GPHN: variants seen among roughly 807,000 people sequenced by gnomAD.
GPHN encodes gephyrin.
In GPHN, 17 loss-of-function variants were observed where a neutral mutation model predicts 95.5. The ratio of observed to expected loss-of-function variants is 0.18; its 90% CI spans 0.12 to 0.27. The LOEUF is 0.27. Among genes scored for constraint, GPHN ranks in the 10% least tolerant of loss-of-function variants. The probability of loss-of-function intolerance (pLI) is 1.00; values close to 1 mark genes in which losing one functional copy is unlikely to be tolerated. For synonymous variants in GPHN, 320 were observed against 322.5 expected, an observed-to-expected ratio of 0.99 and a Z score of 0.08; for missense variants, 660 against 978.1, an observed-to-expected ratio of 0.67 and a Z score of 4.34.
At chr14:67,065,530 G>T (rs1464752676) in intron 11 of GPHN, among the ~76,000 whole-genome samples, 2 of 152,108 alleles carry the variant, frequency 1.3e-5, no homozygotes, top group Non-Finnish European at 2.9e-5. Flanking sequence ...ACAGTGGGGT[G>T]TTAAAGTCTC....
At chr14:67,068,140 A>G (rs955032784) in intron 11 of GPHN, among the ~76,000 whole-genome samples, 1 of 152,240 alleles carries the variant, frequency 6.6e-6, no homozygotes, top group South Asian at 2.1e-4. Flanking sequence ...GGTTACAACA[A>G]CTGGAACCCG....
the GPHN span, among the ~76,000 whole-genome samples, chr14:67,602,043 C>G: frequency 6.6e-6 from 1 of 152,056 alleles, no homozygotes; most frequent in Non-Finnish European, 1.5e-5. Context: ...TTCTGTGCCC[C>G]GAATCTGACA....
At chr14:66,793,083 CCGG>C (rs1316659572) in intron 3 of GPHN, among the ~76,000 whole-genome samples, 3 of 152,276 alleles carry the variant, frequency 2.0e-5, no homozygotes, top group African/African-American at 7.2e-5. Flanking sequence ...CCACAACCTT[CCGG>C]CGTGGGCCTT....
chr14:66,839,834 C>T (rs1460493044), intron 4 of GPHN, among the ~76,000 whole-genome samples: 2 of 152,128 alleles, frequency 1.3e-5, no homozygotes, highest in African/African-American at 2.4e-5. Flanking sequence ...TTTACTTCCT[C>T]TTTCATTCTC....
chr14:67,446,109 G>C, the GPHN span: 192 of 498,170 alleles, frequency 3.9e-4, no homozygotes, highest in African/African-American at 1.3e-3. Context: ...AGATCCTCTG[G>C]GAGGATGTGA....
intron 1 of GPHN, among the ~76,000 whole-genome samples, chr14:66,598,352 C>G (rs2062071334): frequency 6.6e-6 from 1 of 151,626 alleles, no homozygotes; most frequent in South Asian, 2.1e-4. Context: ...CTACAGGTAT[C>G]AAAGCATCAT....
At chr14:67,395,661 C>T in the GPHN span, 86 of 1,231,482 alleles carry the variant, frequency 7.0e-5, no homozygotes, top group African/African-American at 1.2e-4. Context: ...GACGGGGCCC[C>T]GGGAGAATCT....
At chr14:67,699,644 G>A in the GPHN span, among the ~76,000 whole-genome samples, 1 of 148,444 alleles carries the variant, frequency 6.7e-6, no homozygotes, top group Non-Finnish European at 1.5e-5. Flanking sequence ...AAAGTTATGT[G>A]GATGTAAAAA....
intron 2 of GPHN, among the ~76,000 whole-genome samples, chr14:66,689,549 G>GTAA (rs1466121332): frequency 6.6e-6 from 1 of 152,144 alleles, no homozygotes; most frequent in African/African-American, 2.4e-5. Flanking sequence ...TAGTATCAGG[G>GTAA]TAATGCTGGC....
the GPHN span, among the ~76,000 whole-genome samples, chr14:67,266,957 A>C: frequency 3.3e-5 from 5 of 151,792 alleles, no homozygotes; most frequent in Non-Finnish European, 7.4e-5. Flanking sequence ...TAAAAATACA[A>C]AATTAGCCAG....
chr14:67,668,773 T>A, the GPHN span, among the ~76,000 whole-genome samples: 1 of 152,212 alleles, frequency 6.6e-6, no homozygotes, highest in Non-Finnish European at 1.5e-5. Flanking sequence ...AACTTTCTGA[T>A]TCAATAGGTC....
chr14:66,928,158 T>A (rs899358076), intron 8 of GPHN, among the ~76,000 whole-genome samples: 1 of 152,114 alleles, frequency 6.6e-6, no homozygotes. Context: ...AGTGAAGGTA[T>A]TGGTTCTTTT....
the GPHN span, among the ~76,000 whole-genome samples, chr14:67,214,250 T>C: frequency 6.6e-6 from 1 of 152,202 alleles, no homozygotes; most frequent in Non-Finnish European, 1.5e-5. Flanking sequence ...CATGCCTATG[T>C]CCTGAATGGT....
intron 17 of GPHN, 126 bp from the exon 18 acceptor site, chr14:67,143,236 A>G (rs939713213): frequency 6.8e-6 from 5 of 732,628 alleles, no homozygotes; most frequent in East Asian, 2.5e-5. Flanking sequence ...TTCCCACTTC[A>G]TACAGAATAT....
the GPHN span, chr14:67,582,379 A>C: frequency 8.6e-7 from 1 of 1,161,728 alleles, no homozygotes; most frequent in Admixed American, 2.1e-5. The surrounding 1 kb of genome is among the most constrained non-coding windows in gnomAD (Gnocchi z 5.0). Flanking sequence ...AGAGCTCCTC[A>C]CTCACCGCAG....
At chr14:67,248,244 G>A in the GPHN span, among the ~76,000 whole-genome samples, 1,839 of 152,102 alleles carry the variant, frequency 0.012, 19 homozygotes, top group Non-Finnish European at 0.018. Context: ...TAAAAATGAA[G>A]GAGCAATGTC....
At chr14:66,905,289 T>C (rs1006412475) in intron 5 of GPHN, among the ~76,000 whole-genome samples, 5 of 152,150 alleles carry the variant, frequency 3.3e-5, no homozygotes, top group Non-Finnish European at 5.9e-5. Context: ...ATTATTTCAA[T>C]CTGTTCATTA....
the GPHN span, among the ~76,000 whole-genome samples, chr14:67,546,828 A>T: frequency 1.2e-4 from 19 of 152,138 alleles, no homozygotes; most frequent in Admixed American, 3.3e-4. Flanking sequence ...ATCACACTAC[A>T]CTCCAGCCTG....
At chr14:67,669,123 T>C in the GPHN span, among the ~76,000 whole-genome samples, 2 of 152,204 alleles carry the variant, frequency 1.3e-5, no homozygotes, top group African/African-American at 2.4e-5. Flanking sequence ...TATCCCCATT[T>C]GGCAGGAAAA....
Sources: gnomAD v4.1 joint callset for allele counts (sites outside exome capture counted in the v4.1 genomes callset) on GRCh38, gnomAD v4.1.1 for gene constraint, Gnocchi (gnomAD v3.1) non-coding constraint, MANE v1.5 for transcripts, NCBI Gene and HGNC (gene_info 2026-07-23, HGNC 2026-07-21) for gene names.